The following NLRC5 variants were observed in gnomAD, a reference collection of about 807,000 sequenced individuals.
The protein encoded by NLRC5 is protein NLRC5.
A neutral mutation model predicts 206.9 loss-of-function variants in NLRC5; 114 were observed. The observed-to-expected ratio is 0.55, with a 90% CI of 0.47 to 0.64. The LOEUF is 0.64. Ranked by LOEUF, NLRC5 falls within the 30% of genes least tolerant of loss-of-function variation. The probability of loss-of-function intolerance (pLI) is 0.00; values close to 1 mark genes in which losing one functional copy is unlikely to be tolerated. For synonymous variants in NLRC5, 952 were observed against 962.8 expected (o/e 0.99, Z 0.21); for missense variants, 2,008 against 2,305.5 (o/e 0.87, Z 2.64).
rs369396849 is a variant in NLRC5 at position 57,082,632 on chromosome 16, C to T, written c.*104C>T. On this transcript the variant is annotated 3_prime_UTR_variant, in exon 49 of 49. Transcript: ENST00000688547. ...TCAGGAAAGAAGAGCCTCGGCAGGG[C>T]GCTCTGCACTCCACCCAGGAGGAAG... The T allele has an allele frequency of 1.5e-5, 12 of 781,602 alleles. No homozygotes were observed. The highest frequency in any genetic ancestry group is 2.6e-5 in the East Asian group (1 of 37,908). 48.4% of individuals were successfully genotyped at this position (781,602 alleles called of 1,614,324 possible).
intron 11 of NLRC5, 66 bp from the exon 12 acceptor site, chr16:57,033,538 A>G: frequency 1.3e-6 from 2 of 1,514,972 alleles, no homozygotes; most frequent in Admixed American, 1.7e-5. Flanking sequence ...AAGCCAAGGA[A>G]AGAGGCTTGA....
Position 57,025,945 on chromosome 16 carries a change from G to A in NLRC5, c.1002G>A (p.Gly334=). 1.9e-6 allele frequency: 3 copies of A among 1,614,148 alleles called. No homozygotes were observed. Among genetic ancestry groups the A allele is most frequent in the Non-Finnish European group, 2.5e-6 (3 of 1,180,042 alleles). Residue 334 remains glycine, a synonymous_variant, in exon 6 of 49, where the codon GGG becomes GGA. Transcript: ENST00000688547. ...VLTLFSHLCN[G]TLLPGCRVMA... is the part of the protein sequence containing the mutation. ...CCCTTTTCTCCCATCTCTGCAATGG[G>A]ACCCTCCTGCCTGGCTGCCGGGTGA...
chr16:57,018,818 C>G (rs13335668), intron 2 of NLRC5, among the ~76,000 whole-genome samples: 17,936 of 152,208 alleles, frequency 0.12, 1,237 homozygotes, highest in African/African-American at 0.15. Context: ...CCAGAAAGTA[C>G]ATCCGGAAAT....
At chr16:57,034,520 G>T in intron 13 of NLRC5, 1 of 407,708 alleles carries the variant, frequency 2.5e-6, no homozygotes, top group Non-Finnish European at 4.4e-6. Context: ...AGAGGAGGAA[G>T]TTAAGCTGCA....
intron 23 of NLRC5, among the ~76,000 whole-genome samples, chr16:57,050,460 G>A (rs1333321631): frequency 2.0e-5 from 3 of 152,230 alleles, no homozygotes; most frequent in South Asian, 2.1e-4. Context: ...TGGAGGCCCC[G>A]GAGAGGGGAG....
chr16:57,071,113 G>C lies in NLRC5; in HGVS notation c.4667+495G>C, dbSNP rs148217390. Among the ~76,000 whole-genome samples, 522 of 124,920 alleles carry C rather than the reference G, an allele frequency of 4.2e-3. 39 individuals are homozygous for C. Among genetic ancestry groups the C allele is most frequent in the East Asian group, 7.9e-3 (28 of 3,552 alleles). The allele number at this position is 124,920 out of a possible 152,430, so 82.0% of individuals were successfully genotyped here. ...GTGTTGGTGGTTAATGGGGAAGGGG[G>C]TGAGTGAGTGGTGGGGTTGGTTAAT... On this transcript the variant is annotated intron_variant, in intron 38 of 48. Coordinates refer to ENST00000688547, the MANE Select transcript of NLRC5 (RefSeq NM_001384950.1).
chr16:57,053,555 G>T (rs570514193), intron 24 of NLRC5, among the ~76,000 whole-genome samples: 2 of 152,208 alleles, frequency 1.3e-5, no homozygotes, highest in African/African-American at 4.8e-5. Context: ...GTGGGGGAGG[G>T]TCTCGCTCTG....
Position 57,031,449 on chromosome 16 carries a change from T to C in NLRC5, c.2463T>C (p.Thr821=). The C allele has an allele frequency of 6.2e-7, 1 of 1,613,336 alleles. No individual in the cohort carries two copies. Among genetic ancestry groups the C allele is most frequent in the Non-Finnish European group, 8.5e-7 (1 of 1,179,852 alleles). ...TTCTTTCCCCGCCCACAGAGACAAC[T>C]GCAGAGCTACAAAGGTAAGAAGCCA... is the stretch of plus-strand genomic sequence containing the variant. ...IFLLSPPTET[T]AELQRAPDLQ... The change falls in exon 11 of 49, where the codon ACT becomes ACC. Residue 821 remains threonine (T), a synonymous_variant. Transcript: ENST00000688547.
At chr16:57,060,455 G>T (rs1488437828) in intron 30 of NLRC5, among the ~76,000 whole-genome samples, 1 of 148,682 alleles carries the variant, frequency 6.7e-6, no homozygotes, top group Non-Finnish European at 1.5e-5. Context: ...CACAACACAC[G>T]CACACCACAC....
At position 57,081,201 on chromosome 16, in the gene NLRC5, G is replaced by A. The variant is rs200135839; in HGVS notation, c.5405+20G>A. On this transcript the variant is annotated intron_variant, in intron 47 of 48. Coordinates refer to ENST00000688547, the MANE Select transcript of NLRC5 (RefSeq NM_001384950.1). ...AGTGGAGTATGAGGGGCCGGGGGAG[G>A]AATGGGACGGGCTAAAGGGGGACCT... 2,097 of 1,537,078 alleles carry A rather than the reference G, an allele frequency of 1.4e-3. 9 individuals carry two copies. The highest frequency in any genetic ancestry group is 9.2e-3 in the Middle Eastern group (53 of 5,734).
intron 36 of NLRC5, 25 bp from the exon 37 acceptor site, chr16:57,069,811 C>G: frequency 6.3e-7 from 1 of 1,589,922 alleles, no homozygotes; most frequent in Non-Finnish European, 8.6e-7. Context: ...TCCTGCCTGA[C>G]CTGTTGCCCT....
intron 6 of NLRC5, among the ~76,000 whole-genome samples, chr16:57,027,854 G>A (rs2061409848): frequency 6.6e-6 from 1 of 152,204 alleles, no homozygotes; most frequent in Admixed American, 6.5e-5. Flanking sequence ...AGGGAGGCTG[G>A]GAAATGTGAT....
At chr16:57,078,298 A>G (rs1419123888) in intron 43 of NLRC5, among the ~76,000 whole-genome samples, 1 of 152,116 alleles carries the variant, frequency 6.6e-6, no homozygotes, top group Non-Finnish European at 1.5e-5. Context: ...AAGAAGTACA[A>G]TGATCCCAGT....
At position 57,077,309 on chromosome 16, in the gene NLRC5, C is replaced by G; in HGVS notation, c.4849C>G (p.Gln1617Glu). 6.2e-7 allele frequency: 1 copy of G among 1,614,126 alleles called. No homozygotes were observed. The highest frequency in any genetic ancestry group is 8.5e-7 in the Non-Finnish European group (1 of 1,179,992). Residue 1617 changes from glutamine (Q) to glutamate (E), a missense_variant, in exon 41 of 49, where the codon CAG becomes GAG. Coordinates refer to ENST00000688547, the MANE Select transcript of NLRC5 (RefSeq NM_001384950.1). ...SLEELDLSHN[Q>E]IGDAGVQHLA... is the part of the protein sequence containing the mutation. ...TTCTCCCCCAAGCTTGAGCCACAACCAGATTGGAGACGCTGGTGTCCAGCA... is the reference window on the plus strand; with the variant it reads ...TTCTCCCCCAAGCTTGAGCCACAACGAGATTGGAGACGCTGGTGTCCAGCA...
chr16:57,081,272 C>A, intron 47 of NLRC5, 91 bp downstream of exon 47: 1 of 1,276,366 alleles, frequency 7.8e-7, no homozygotes, highest in Non-Finnish European at 1.1e-6. Context: ...CCCCTGCCTC[C>A]CAGAAAGCCC....
chr16:57,038,129 G>T (rs1294881908), intron 15 of NLRC5, among the ~76,000 whole-genome samples: 1 of 152,088 alleles, frequency 6.6e-6, no homozygotes, highest in Non-Finnish European at 1.5e-5. Flanking sequence ...AAAATAGCTG[G>T]AATGTTTAAC....
chr16:57,074,725 C>T (rs1325289622), intron 39 of NLRC5, 42 bp downstream of exon 39: 3 of 1,552,558 alleles, frequency 1.9e-6, no homozygotes, highest in East Asian at 2.2e-5. Context: ...TGGGAAGAAA[C>T]ACTTCCCACT....
chr16:57,022,191 C>T (rs2060744327), intron 3 of NLRC5, 65 bp from the exon 4 acceptor site: 2 of 1,440,562 alleles, frequency 1.4e-6, no homozygotes, highest in East Asian at 2.3e-5. Flanking sequence ...AGGCGCCAGG[C>T]CAGAGCTGGT....
At chr16:56,993,130 TATACACACAC>T (rs1278799097) in intron 1 of NLRC5, among the ~76,000 whole-genome samples, 20 of 143,472 alleles carry the variant, frequency 1.4e-4, no homozygotes, top group African/African-American at 4.4e-4. Context: ...TGTATATATA[TATACACACAC>T]ACACACACAC....
Sources: gnomAD v4.1 joint callset for allele counts (sites outside exome capture counted in the v4.1 genomes callset) on GRCh38, gnomAD v4.1.1 for gene constraint, MANE v1.5 for transcripts, NCBI Gene and HGNC (gene_info 2026-07-23, HGNC 2026-07-21) for gene names.